Variants in SLC9C1 observed in about 807,000 individuals in gnomAD.
SLC9C1 encodes the protein solute carrier family 9 member C1, also known as sodium/hydrogen exchanger 10.
A neutral mutation model predicts 140.9 loss-of-function variants in SLC9C1; 97 were observed. The observed-to-expected ratio is 0.69, with a 90% CI of 0.58 to 0.82. SLC9C1 has a LOEUF of 0.82. Among genes scored for constraint, SLC9C1 ranks in the 40% least tolerant of loss-of-function variants. SLC9C1 has a pLI of 0.00. For missense variants in SLC9C1, 1,340 were observed against 1,389.3 expected, an observed-to-expected ratio of 0.96 and a Z score of 0.56; for synonymous variants, 440 against 442.6, an observed-to-expected ratio of 0.99 and a Z score of 0.07.
intron 28 of SLC9C1, among the ~76,000 whole-genome samples, chr3:112,147,724 C>T (rs998128745): frequency 6.6e-6 from 1 of 152,148 alleles, no homozygotes; most frequent in African/African-American, 2.4e-5. Context: ...TTCTTTGGCA[C>T]TGACCCTGGA....
At chr3:112,242,728 C>T (rs2079170704) in intron 11 of SLC9C1, among the ~76,000 whole-genome samples, 1 of 152,114 alleles carries the variant, frequency 6.6e-6, no homozygotes, top group Non-Finnish European at 1.5e-5. Context: ...GTGATGGATA[C>T]TCCATTTACC....
chr3:112,240,121 C>A (rs1576424035), intron 11 of SLC9C1, 115 bp from the exon 12 acceptor site: 10 of 995,802 alleles, frequency 1.0e-5, no homozygotes, highest in Non-Finnish European at 1.4e-5. Flanking sequence ...AAAATTTCAA[C>A]ATAAACTGTT....
rs2074606857 is a variant in SLC9C1 at position 112,141,098 on chromosome 3, T to C, written c.*174A>G. ...AATCAAGGAAATTTTGCAAAAAGTA[T>C]ATATGTTGAACTGCTGGTTTCAAGG... On this transcript the variant is annotated 3_prime_UTR_variant, in exon 29 of 29. Coordinates refer to ENST00000305815, the MANE Select transcript of SLC9C1 (RefSeq NM_183061.3). 7 of 492,522 alleles carry C rather than the reference T, an allele frequency of 1.4e-5. No individual in the cohort carries two copies. Among genetic ancestry groups the C allele is most frequent in the Non-Finnish European group, 2.4e-5 (7 of 295,706 alleles). 30.5% of individuals were successfully genotyped at this position (492,522 alleles called of 1,614,324 possible).
intron 7 of SLC9C1, 57 bp from the exon 8 acceptor site, chr3:112,266,397 AT>A: frequency 7.6e-7 from 1 of 1,323,884 alleles, no homozygotes; most frequent in Non-Finnish European, 1.0e-6. Context: ...AGCAGCACAA[AT>A]TTTACCCGAG....
intron 28 of SLC9C1, among the ~76,000 whole-genome samples, chr3:112,148,359 A>G (rs1174362448): frequency 6.6e-6 from 1 of 152,194 alleles, no homozygotes; most frequent in Non-Finnish European, 1.5e-5. Context: ...GAATTCTTGC[A>G]TGGGTTCCTT....
At chr3:112,190,615 T>C (rs754316260) in intron 20 of SLC9C1, among the ~76,000 whole-genome samples, 3 of 152,208 alleles carry the variant, frequency 2.0e-5, no homozygotes, top group Non-Finnish European at 4.4e-5. Context: ...GTTTTATTTC[T>C]CTAGTTTCTA....
At chr3:112,192,458 C>A (rs1393736161) in intron 20 of SLC9C1, among the ~76,000 whole-genome samples, 1 of 152,048 alleles carries the variant, frequency 6.6e-6, no homozygotes, top group Non-Finnish European at 1.5e-5. Context: ...AATAAAATTC[C>A]ATTGTATGTA....
Position 112,231,417 on chromosome 3 carries a change from T to A in SLC9C1, c.1516A>T (p.Ile506Phe), listed in dbSNP as rs2078824653. The change falls in exon 13 of 29, where the codon ATC (isoleucine) becomes TTC (phenylalanine). Residue 506 changes from isoleucine to phenylalanine, a missense_variant. By Grantham distance (21) the Ile-to-Phe change is conservative (BLOSUM62 0). Transcript: ENST00000305815. ...AGCTCCATTGCTTCAGTGTTAAAGA[T>A]CTCATCTATTTCCTTGTTACAGTGT... ...CPHCNKEIDEIFNTEAMELAN... is the reference protein window; with the variant it reads ...CPHCNKEIDEFFNTEAMELAN... The A allele has an allele frequency of 6.2e-7, 1 of 1,613,406 alleles. No homozygotes were observed. Among genetic ancestry groups the A allele is most frequent in the Non-Finnish European group, 8.5e-7 (1 of 1,179,662 alleles).
chr3:112,161,291 A>T (rs2075290841), intron 26 of SLC9C1, among the ~76,000 whole-genome samples: 1 of 152,024 alleles, frequency 6.6e-6, no homozygotes, highest in African/African-American at 2.4e-5. Context: ...CCCATTTGTC[A>T]ATTTTGGCTT....
chr3:112,198,799 A>G (rs2077830044), intron 20 of SLC9C1, among the ~76,000 whole-genome samples: 1 of 151,908 alleles, frequency 6.6e-6, no homozygotes, highest in African/African-American at 2.4e-5. Flanking sequence ...GTGTATTTAC[A>G]AGTATAACAG....
At chr3:112,284,209 A>G in intron 2 of SLC9C1, among the ~76,000 whole-genome samples, 1 of 152,248 alleles carries the variant, frequency 6.6e-6, no homozygotes, top group East Asian at 1.9e-4. Flanking sequence ...AAATGTAAAA[A>G]GGTAAAGTTG....
intron 16 of SLC9C1, among the ~76,000 whole-genome samples, chr3:112,206,202 A>C (rs903738440): frequency 6.7e-6 from 1 of 149,854 alleles, no homozygotes; most frequent in East Asian, 2.0e-4. Context: ...ATGAACAGAC[A>C]CTTCTCAAAA....
intron 20 of SLC9C1, among the ~76,000 whole-genome samples, chr3:112,197,201 TTTTTGAATGTC>T (rs1233197886): frequency 5.9e-5 from 9 of 152,054 alleles, no homozygotes; most frequent in East Asian, 5.8e-4. Context: ...GAAGTGGTGG[TTTTTGAATGTC>T]TTAGTCTCTA....
chr3:112,244,514 G>A (rs1169683541), intron 10 of SLC9C1, among the ~76,000 whole-genome samples: 1 of 152,106 alleles, frequency 6.6e-6, no homozygotes, highest in African/African-American at 2.4e-5. Flanking sequence ...CCTCACCTGG[G>A]AAAGGAGAAC....
At chr3:112,185,427 G>A in intron 20 of SLC9C1, 3 of 1,359,610 alleles carry the variant, frequency 2.2e-6, no homozygotes, top group Non-Finnish European at 3.0e-6. Context: ...GGGGTGGGGG[G>A]GTCTCAGCCC....
chr3:112,237,193 T>C (rs1289799505), intron 12 of SLC9C1, among the ~76,000 whole-genome samples: 1 of 152,224 alleles, frequency 6.6e-6, no homozygotes, highest in Non-Finnish European at 1.5e-5. Flanking sequence ...CTCTTTTTGT[T>C]GAACTGATCC....
intron 2 of SLC9C1, among the ~76,000 whole-genome samples, chr3:112,282,343 C>A (rs888018473): frequency 6.6e-6 from 1 of 151,304 alleles, no homozygotes; most frequent in African/African-American, 2.4e-5. Context: ...AAGGTAATGG[C>A]AACAGCTTTT....
intron 25 of SLC9C1, among the ~76,000 whole-genome samples, chr3:112,168,364 C>T (rs1560023810): frequency 1.0e-5 from 1 of 97,640 alleles, no homozygotes; most frequent in African/African-American, 4.3e-5. Context: ...CACACACACA[C>T]ACAACTTCTT....
intron 28 of SLC9C1, chr3:112,147,379 C>A (rs553292291): frequency 1.0e-5 from 2 of 193,392 alleles, no homozygotes; most frequent in South Asian, 1.4e-4. Flanking sequence ...TTTTATATGG[C>A]CTGCAAGGTA....
Sources: allele counts gnomAD v4.1 joint callset (sites outside exome capture counted in the v4.1 genomes callset), GRCh38; gene constraint gnomAD v4.1.1; transcripts MANE v1.5; gene names NCBI Gene and HGNC (gene_info 2026-07-23, HGNC 2026-07-21).